The following GKN1 variants were observed in gnomAD, a reference collection of about 807,000 sequenced individuals.
GKN1 encodes the protein gastrokine 1.
Under a neutral mutation model 19.7 loss-of-function variants are expected in GKN1, and 17 were observed. The observed-to-expected ratio is 0.86, with a 90% CI of 0.59 to 1.29. The LOEUF is 1.29. GKN1 is among the 50% of genes most tolerant of loss of function. The pLI is 0.00. For missense variants in GKN1, 218 were observed against 224.5 expected (o/e 0.97, Z 0.19); for synonymous variants, 96 against 78.3 (o/e 1.23, Z -1.20).
At chr2:68,980,668 C>A in intron 5 of GKN1, 61 bp from the exon 6 acceptor site, 1 of 852,598 alleles carries the variant, frequency 1.2e-6, no homozygotes, top group Non-Finnish European at 2.0e-6. Flanking sequence ...CCCCCAATCC[C>A]CTCCAAGAAA....
chr2:68,977,950 A>G (rs920163128), intron 3 of GKN1, 176 bp downstream of exon 3: 7 of 598,592 alleles, frequency 1.2e-5, no homozygotes, highest in Non-Finnish European at 2.1e-5. Flanking sequence ...AGAGATAACT[A>G]CTGTTAATAA....
chr2:68,980,813 TGGA>T lies in GKN1; in HGVS notation c.550_552del (p.Glu184del), dbSNP rs1558716177. ...GACATTTCCTTCTGTGGAGACACGGTGGAGAACTAAACAATTTTTTAAAGCCAC... is the reference window on the plus strand; with the variant it reads ...GACATTTCCTTCTGTGGAGACACGGTGAACTAAACAATTTTTTAAAGCCAC... On this transcript the variant is annotated inframe_deletion, in exon 6 of 6. Transcript: ENST00000377938. 6.5e-7 allele frequency: 1 copy of T among 1,528,306 alleles called. No homozygotes were observed. Among genetic ancestry groups the T allele is most frequent in the Non-Finnish European group, 9.1e-7 (1 of 1,101,810 alleles). 94.7% of individuals were successfully genotyped at this position (1,528,306 alleles called of 1,614,324 possible).
Position 68,976,221 on chromosome 2 carries a change from C to T in GKN1, c.13-1274C>T, listed in dbSNP as rs144731092. 7.2e-4 allele frequency among the ~76,000 whole-genome samples: 110 copies of T among 152,254 alleles called. 1 individual carries two copies. The highest frequency in any genetic ancestry group is 2.6e-3 in the African/African-American group (107 of 41,540). ...ATCCCATGTTAAATAGGAAAATTAA[C>T]TGAAATCATTTTCAGATGTGATTTT... On this transcript the variant is annotated intron_variant, in intron 1 of 5. Transcript: ENST00000377938.
intron 1 of GKN1, among the ~76,000 whole-genome samples, chr2:68,977,194 GC>G (rs1266131249): frequency 2.0e-5 from 3 of 152,176 alleles, no homozygotes; most frequent in African/African-American, 7.2e-5. Context: ...GATGAAAGCA[GC>G]TTTCCTGGCT....
intron 5 of GKN1, 127 bp from the exon 6 acceptor site, chr2:68,980,602 C>T (rs1333414035): frequency 1.6e-6 from 1 of 620,126 alleles, no homozygotes; most frequent in African/African-American, 1.8e-5. Flanking sequence ...TTGATTTCAT[C>T]ACAACAAGTA....
chr2:68,976,848 G>C (rs530725071), intron 1 of GKN1, among the ~76,000 whole-genome samples: 78 of 152,182 alleles, frequency 5.1e-4, no homozygotes, highest in African/African-American at 1.9e-3. Flanking sequence ...AAGAAAGGCA[G>C]TTCTCTACTT....
intron 3 of GKN1, chr2:68,978,259 A>AAGGAAGGAAG (rs1670299418): frequency 1.6e-5 from 2 of 125,050 alleles, no homozygotes; most frequent in Admixed American, 1.7e-4. Context: ...AAAGAAAGAA[A>AAGGAAGGAAG]GAAGGAAGGA....
chr2:68,980,360 C>T (rs1670341749), intron 5 of GKN1, among the ~76,000 whole-genome samples: 1 of 152,146 alleles, frequency 6.6e-6, no homozygotes. Flanking sequence ...GGATTCTGTG[C>T]TCTTAAATAT....
chr2:68,977,806 T>C (rs1319718611), intron 3 of GKN1, 32 bp downstream of exon 3: 2 of 1,545,336 alleles, frequency 1.3e-6, no homozygotes, highest in Non-Finnish European at 1.8e-6. Flanking sequence ...TTCACTTTAT[T>C]GTTTAAAAAT....
intron 3 of GKN1, 44 bp downstream of exon 3, chr2:68,977,818 C>T (rs772084216): frequency 1.1e-5 from 17 of 1,490,770 alleles, no homozygotes; most frequent in Admixed American, 7.0e-5. Context: ...TTTAAAAATA[C>T]GATTTCTTTT....
At chr2:68,975,013 T>C (rs1670235222) in intron 1 of GKN1, among the ~76,000 whole-genome samples, 2 of 152,090 alleles carry the variant, frequency 1.3e-5, no homozygotes, top group South Asian at 2.1e-4. Context: ...AAATCTTTTT[T>C]CTATTTATAT....
In GKN1 at chr2:68,977,689, T is replaced by C. The variant is rs1670284441; in HGVS notation, c.119T>C (p.Val40Ala). The change falls in exon 3 of 6, where the codon GTG becomes GCG. Residue 40 changes from valine (V) to alanine (A), a missense_variant. Coordinates refer to ENST00000377938, the MANE Select transcript of GKN1 (RefSeq NM_019617.4). ...AATGCTGGAAGTGGGCAGCAGTCAGTGAGTGTCAACAATGAACACAATGTG... is the reference window on the plus strand; with the variant it reads ...AATGCTGGAAGTGGGCAGCAGTCAGCGAGTGTCAACAATGAACACAATGTG... ...NNNAGSGQQS[V>A]SVNNEHNVAN... The C allele has an allele frequency of 1.2e-6, 2 of 1,607,156 alleles. No homozygotes were observed. The highest frequency in any genetic ancestry group is 2.2e-5 in the East Asian group (1 of 44,844).
chr2:68,977,879 T>C, intron 3 of GKN1, 105 bp downstream of exon 3: 3 of 933,982 alleles, frequency 3.2e-6, no homozygotes, highest in Non-Finnish European at 5.0e-6. Flanking sequence ...TAAATTCTAA[T>C]TACACATAGC....
In GKN1 at chr2:68,977,791, C is replaced by T; in HGVS notation, c.204+17C>T. Reference sequence around the variant, plus strand: ...TATGGAAATGTAGGTAGTCAACGTGCAATTTTCACTTTATTGTTTAAAAAT... The same window carrying T: ...TATGGAAATGTAGGTAGTCAACGTGTAATTTTCACTTTATTGTTTAAAAAT... On this transcript the variant is annotated intron_variant, in intron 3 of 5. Transcript: ENST00000377938. 1 of 1,581,920 alleles carries T rather than the reference C, an allele frequency of 6.3e-7. No individual in the cohort carries two copies. The highest frequency in any genetic ancestry group is 1.7e-5 in the Admixed American group (1 of 59,364).
At chr2:68,976,310 CT>C (rs1054654774) in intron 1 of GKN1, among the ~76,000 whole-genome samples, 6 of 151,490 alleles carry the variant, frequency 4.0e-5, no homozygotes, top group South Asian at 2.1e-4. Flanking sequence ...TGTAAAACTT[CT>C]TTTTTTTTCC....
intron 4 of GKN1, 151 bp downstream of exon 4, chr2:68,979,132 G>A (rs532260133): frequency 2.8e-4 from 148 of 533,134 alleles, no homozygotes; most frequent in Non-Finnish European, 3.6e-4. Flanking sequence ...CCTGAGGGAA[G>A]GCAACTTCTG....
chr2:68,980,672 CAAGAA>C, intron 5 of GKN1, 52 bp from the exon 6 acceptor site: 1 of 897,802 alleles, frequency 1.1e-6, no homozygotes, highest in Non-Finnish European at 1.9e-6. Context: ...CAATCCCCTC[CAAGAA>C]AAGAGTCCTT....
In GKN1 at chr2:68,978,648, A is replaced by G. The variant is rs184346751; in HGVS notation, c.205-223A>G. 1.0e-3 allele frequency among the ~76,000 whole-genome samples: 152 copies of G among 152,334 alleles called. 3 individuals carry two copies. In the East Asian group the frequency reaches 0.022, roughly 22 times the overall value. ...TTATCATGCTGGAACCTGGAAATAAAGCAAACCAGTTAGATGCTCAGTCTC... is the reference window on the plus strand; with the variant it reads ...TTATCATGCTGGAACCTGGAAATAAGGCAAACCAGTTAGATGCTCAGTCTC... On this transcript the variant is annotated intron_variant, in intron 3 of 5. Transcript: ENST00000377938.
chr2:68,975,994 G>GA (rs1432266648), intron 1 of GKN1, among the ~76,000 whole-genome samples: 2 of 152,108 alleles, frequency 1.3e-5, no homozygotes, highest in African/African-American at 4.8e-5. Flanking sequence ...TCTGTGCTCT[G>GA]AAAACCAATG....
Sources: allele counts gnomAD v4.1 joint callset (sites outside exome capture counted in the v4.1 genomes callset), GRCh38; gene constraint gnomAD v4.1.1; transcripts MANE v1.5; gene names NCBI Gene and HGNC (gene_info 2026-07-23, HGNC 2026-07-21).